Variants in SCMH1 observed in about 807,000 individuals in gnomAD.
SCMH1 encodes polycomb protein SCMH1.
A neutral mutation model predicts 70.8 loss-of-function variants in SCMH1; 37 were observed. That is an observed-to-expected ratio of 0.52 (90% confidence interval 0.40 to 0.69). SCMH1 has a LOEUF of 0.69. SCMH1 is among the 30% of genes least tolerant of loss of function. The probability of loss-of-function intolerance (pLI) is 0.00; values close to 1 mark genes in which losing one functional copy is unlikely to be tolerated. For synonymous variants in SCMH1, 292 were observed against 307.4 expected (o/e 0.95, Z 0.52); for missense variants, 607 against 827.3 (o/e 0.73, Z 3.27).
intron 8 of SCMH1, among the ~76,000 whole-genome samples, chr1:41,081,508 A>G (rs1236266398): frequency 6.6e-6 from 1 of 152,258 alleles, no homozygotes; most frequent in East Asian, 1.9e-4. Context: ...TTCATTATAA[A>G]GTTACAGTAA....
At chr1:41,218,270 T>G (rs1352649268) in intron 1 of SCMH1, among the ~76,000 whole-genome samples, 1 of 152,186 alleles carries the variant, frequency 6.6e-6, no homozygotes, top group Non-Finnish European at 1.5e-5. Flanking sequence ...CCTAAAATTG[T>G]GTACCCCTGG....
intron 12 of SCMH1, among the ~76,000 whole-genome samples, chr1:41,039,965 T>A (rs1161571222): frequency 1.5e-4 from 23 of 150,662 alleles, no homozygotes; most frequent in Admixed American, 9.3e-4. Context: ...TTTTTTTTTT[T>A]AAAAAAAGGA....
chr1:41,069,779 C>T (rs1003834777), intron 10 of SCMH1, among the ~76,000 whole-genome samples: 3 of 152,176 alleles, frequency 2.0e-5, no homozygotes, highest in Non-Finnish European at 4.4e-5. Context: ...ACTATTACAG[C>T]CTGACCATGG....
intron 13 of SCMH1, among the ~76,000 whole-genome samples, chr1:41,035,605 C>T (rs1645185597): frequency 1.3e-5 from 2 of 152,202 alleles, no homozygotes; most frequent in African/African-American, 4.8e-5. Flanking sequence ...AAGTGTGCCT[C>T]CTTTTGGCTT....
At position 41,058,675 on chromosome 1, in the gene SCMH1, C is replaced by T. The variant is rs183309980; in HGVS notation, c.1106-9785G>A. Among the ~76,000 whole-genome samples, 187 of 152,046 alleles carry T rather than the reference C, an allele frequency of 1.2e-3. 1 individual carries two copies. The highest frequency in any genetic ancestry group is 4.2e-3 in the African/African-American group (175 of 41,472). ...GATTACAGGTGTGAGCCACCATGCT[C>T]GGCCTTATTTATACATTTTCTTAAA... On this transcript the variant is annotated intron_variant, in intron 10 of 14. Transcript: ENST00000337495.
At chr1:41,230,949 T>C (rs1661185500) in intron 1 of SCMH1, among the ~76,000 whole-genome samples, 1 of 152,204 alleles carries the variant, frequency 6.6e-6, no homozygotes, top group Non-Finnish European at 1.5e-5. Context: ...TAGATTATTA[T>C]TGCTTGCAAA....
At chr1:41,033,553 C>G (rs1448852993) in intron 13 of SCMH1, among the ~76,000 whole-genome samples, 6 of 152,142 alleles carry the variant, frequency 3.9e-5, no homozygotes, top group Non-Finnish European at 5.9e-5. Context: ...TATGGCAAAG[C>G]TCTCCCCATC....
At chr1:41,129,249 T>C (rs1674000346) in intron 6 of SCMH1, among the ~76,000 whole-genome samples, 1 of 152,180 alleles carries the variant, frequency 6.6e-6, no homozygotes, top group Admixed American at 6.6e-5. Context: ...TGTACAGTTC[T>C]GTGACATTAA....
intron 9 of SCMH1, among the ~76,000 whole-genome samples, chr1:41,074,925 C>T (rs1461876135): frequency 2.0e-5 from 3 of 152,204 alleles, no homozygotes; most frequent in Non-Finnish European, 4.4e-5. Flanking sequence ...TGCAGTGGCA[C>T]GATCTCCGCT....
chr1:41,126,726 A>G (rs1673266128), intron 6 of SCMH1, among the ~76,000 whole-genome samples: 2 of 152,186 alleles, frequency 1.3e-5, no homozygotes, highest in African/African-American at 4.8e-5. Flanking sequence ...ATTAGTTTAC[A>G]CAGATCTTCC....
intron 2 of SCMH1, among the ~76,000 whole-genome samples, chr1:41,167,726 G>C (rs752352242): frequency 2.6e-5 from 4 of 152,028 alleles, no homozygotes; most frequent in Non-Finnish European, 5.9e-5. Flanking sequence ...TCCTCTTTCA[G>C]TGAGTTTTAT....
intron 8 of SCMH1, among the ~76,000 whole-genome samples, chr1:41,081,699 A>G (rs7512622): frequency 0.078 from 11,869 of 152,118 alleles, 600 homozygotes; most frequent in South Asian, 0.12. Flanking sequence ...GCACACCTGT[A>G]GTCCCAGTGA....
chr1:41,142,191 C>T (rs1644154036), intron 6 of SCMH1, among the ~76,000 whole-genome samples: 1 of 151,996 alleles, frequency 6.6e-6, no homozygotes, highest in East Asian at 1.9e-4. Context: ...TACATGCTCT[C>T]TAATTCTCAA....
chr1:41,220,475 G>C (rs977795595), intron 1 of SCMH1, among the ~76,000 whole-genome samples: 2 of 152,204 alleles, frequency 1.3e-5, no homozygotes, highest in African/African-American at 4.8e-5. Context: ...TTTCATGATG[G>C]TGATTTTTTA....
intron 8 of SCMH1, among the ~76,000 whole-genome samples, chr1:41,109,860 G>A (rs1378757163): frequency 6.6e-6 from 1 of 152,188 alleles, no homozygotes; most frequent in Non-Finnish European, 1.5e-5. Context: ...CGTCAGCTCT[G>A]TTGGCTCTGG....
At chr1:41,100,862 C>A (rs754826579) in intron 8 of SCMH1, among the ~76,000 whole-genome samples, 2 of 152,144 alleles carry the variant, frequency 1.3e-5, no homozygotes, top group Non-Finnish European at 2.9e-5. Flanking sequence ...CTGCACCCAG[C>A]CAGTATAGTC....
chr1:41,214,089 CAT>C (rs755957744), intron 1 of SCMH1, among the ~76,000 whole-genome samples: 62 of 152,232 alleles, frequency 4.1e-4, no homozygotes, highest in Admixed American at 2.5e-3. Context: ...ATTACACACA[CAT>C]GTGCACATGC....
intron 1 of SCMH1, among the ~76,000 whole-genome samples, chr1:41,203,052 T>C (rs2148735649): frequency 6.6e-6 from 1 of 152,180 alleles, no homozygotes; most frequent in East Asian, 1.9e-4. Flanking sequence ...TGAAAAATGA[T>C]TTTAATAATG....
chr1:41,032,471 C>G (rs1307932700), intron 13 of SCMH1, among the ~76,000 whole-genome samples: 1 of 152,146 alleles, frequency 6.6e-6, no homozygotes, highest in Non-Finnish European at 1.5e-5. Context: ...TGAAATAACA[C>G]TAAGAGGCAT....
Sources: allele counts gnomAD v4.1 joint callset (sites outside exome capture counted in the v4.1 genomes callset), GRCh38; gene constraint gnomAD v4.1.1; transcripts MANE v1.5; gene names NCBI Gene and HGNC (gene_info 2026-07-23, HGNC 2026-07-21).